Variants in CWC27 observed in about 807,000 individuals in gnomAD.
CWC27 encodes spliceosome-associated protein CWC27 homolog.
CWC27 carries 47 observed loss-of-function variants against 63.6 expected under a neutral mutation model. The observed-to-expected ratio is 0.74, with a 90% CI of 0.58 to 0.94. CWC27 has a LOEUF of 0.94. CWC27 is among the 40% of genes least tolerant of loss of function. The pLI is 0.00. For synonymous variants in CWC27, 175 were observed against 179.8 expected, an observed-to-expected ratio of 0.97 and a Z score of 0.22; for missense variants, 495 against 554.3, an observed-to-expected ratio of 0.89 and a Z score of 1.07.
At chr5:64,798,904 TTA>T (rs1379508660) in intron 7 of CWC27, among the ~76,000 whole-genome samples, 1 of 152,202 alleles carries the variant, frequency 6.6e-6, no homozygotes, top group African/African-American at 2.4e-5. Context: ...TTTTATATGA[TTA>T]GTTGGGAGTT....
At chr5:64,794,643 G>A (rs554231975) in intron 7 of CWC27, among the ~76,000 whole-genome samples, 89 of 152,218 alleles carry the variant, frequency 5.8e-4, no homozygotes, top group African/African-American at 1.9e-3. Flanking sequence ...GGAATGCAAT[G>A]AGGAACTGGA....
At chr5:64,962,449 G>T (rs1043368132) in intron 11 of CWC27, among the ~76,000 whole-genome samples, 1 of 152,178 alleles carries the variant, frequency 6.6e-6, no homozygotes, top group East Asian at 1.9e-4. Context: ...AGAAGATAGG[G>T]TTTTAATCTC....
intron 1 of CWC27, among the ~76,000 whole-genome samples, chr5:64,770,699 A>T (rs1161694963): frequency 6.6e-6 from 1 of 152,230 alleles, no homozygotes; most frequent in Non-Finnish European, 1.5e-5. Flanking sequence ...TTGATACATG[A>T]TAGAAGGAGT....
intron 13 of CWC27, among the ~76,000 whole-genome samples, chr5:64,996,461 A>G (rs1749634228): frequency 1.3e-5 from 2 of 152,280 alleles, no homozygotes; most frequent in South Asian, 4.1e-4. Context: ...TTTAGTAGAA[A>G]TAAAAGTTAA....
intron 2 of CWC27, among the ~76,000 whole-genome samples, chr5:64,777,935 A>T (rs1246112603): frequency 1.3e-5 from 2 of 152,182 alleles, no homozygotes; most frequent in Non-Finnish European, 2.9e-5. Flanking sequence ...TAGAGAGTAT[A>T]GAAAATTTTT....
intron 10 of CWC27, among the ~76,000 whole-genome samples, chr5:64,812,024 G>A (rs545601895): frequency 3.3e-5 from 5 of 152,012 alleles, no homozygotes; most frequent in Admixed American, 6.6e-5. Flanking sequence ...AAATTAATAA[G>A]CTTCTTCTCG....
intron 13 of CWC27, among the ~76,000 whole-genome samples, chr5:65,014,639 C>A (rs1265590602): frequency 6.6e-6 from 1 of 151,978 alleles, no homozygotes; most frequent in Non-Finnish European, 1.5e-5. Context: ...AACTATCAGA[C>A]CCCCTGTACT....
At chr5:64,922,583 G>A (rs1748018928) in intron 11 of CWC27, among the ~76,000 whole-genome samples, 1 of 152,166 alleles carries the variant, frequency 6.6e-6, no homozygotes, top group African/African-American at 2.4e-5. Flanking sequence ...GTCTCAATGA[G>A]CTTCCTTGCC....
intron 6 of CWC27, among the ~76,000 whole-genome samples, chr5:64,787,987 T>G (rs968037394): frequency 6.6e-6 from 1 of 152,182 alleles, no homozygotes; most frequent in Non-Finnish European, 1.5e-5. Flanking sequence ...TTAGTCTTTT[T>G]CCTTGATATC....
At chr5:64,792,544 T>C (rs944490741) in intron 7 of CWC27, among the ~76,000 whole-genome samples, 1 of 152,206 alleles carries the variant, frequency 6.6e-6, no homozygotes, top group Non-Finnish European at 1.5e-5. Context: ...ATCTTTTTTT[T>C]CTTACCCAAC....
chr5:64,953,620 C>A (rs534318573), intron 11 of CWC27, among the ~76,000 whole-genome samples: 1 of 152,064 alleles, frequency 6.6e-6, no homozygotes, highest in South Asian at 2.1e-4. Flanking sequence ...CTTAATCAGA[C>A]AAACCCAAAT....
At chr5:64,956,112 A>C (rs1748798543) in intron 11 of CWC27, among the ~76,000 whole-genome samples, 1 of 152,204 alleles carries the variant, frequency 6.6e-6, no homozygotes, top group Admixed American at 6.5e-5. Flanking sequence ...TCCAAACAAC[A>C]TAACAATCTA....
intron 10 of CWC27, among the ~76,000 whole-genome samples, chr5:64,877,422 G>T (rs1488299535): frequency 1.3e-5 from 2 of 151,806 alleles, no homozygotes; most frequent in Admixed American, 6.6e-5. Context: ...TTTGTGTGTT[G>T]GGGGGGATGA....
chr5:64,976,213 G>A (rs1472225128), intron 12 of CWC27, among the ~76,000 whole-genome samples: 2 of 152,022 alleles, frequency 1.3e-5, no homozygotes, highest in Non-Finnish European at 2.9e-5. Flanking sequence ...TGCACATCTT[G>A]TGCGTAAGCC....
At chr5:64,818,394 G>T (rs897910692) in intron 10 of CWC27, among the ~76,000 whole-genome samples, 1 of 152,018 alleles carries the variant, frequency 6.6e-6, no homozygotes, top group African/African-American at 2.4e-5. Flanking sequence ...TTAGATAAGC[G>T]TTTACTTTAG....
chr5:64,794,819 T>C (rs1744207145), intron 7 of CWC27, among the ~76,000 whole-genome samples: 1 of 152,170 alleles, frequency 6.6e-6, no homozygotes, highest in Non-Finnish European at 1.5e-5. Context: ...AATCTTTACA[T>C]GTAACTGAAA....
At chr5:64,800,073 C>T (rs191222218) in intron 7 of CWC27, among the ~76,000 whole-genome samples, 175 bp from the exon 8 acceptor site, 1 of 152,100 alleles carries the variant, frequency 6.6e-6, no homozygotes, top group East Asian at 1.9e-4. Flanking sequence ...TATTTTCAGT[C>T]AATAGAAGAG....
intron 11 of CWC27, among the ~76,000 whole-genome samples, chr5:64,907,864 G>GT (rs1179619729): frequency 1.3e-5 from 2 of 152,030 alleles, no homozygotes; most frequent in African/African-American, 4.8e-5. Context: ...TTTTTGAAGG[G>GT]TTTTTTGTGT....
At chr5:64,827,199 A>C (rs1393285582) in intron 10 of CWC27, among the ~76,000 whole-genome samples, 1 of 152,134 alleles carries the variant, frequency 6.6e-6, no homozygotes, top group Non-Finnish European at 1.5e-5. Flanking sequence ...AACTTCTCTA[A>C]TGAGTAGGAA....
Sources: allele counts gnomAD v4.1 joint callset (sites outside exome capture counted in the v4.1 genomes callset), GRCh38; gene constraint gnomAD v4.1.1; transcripts MANE v1.5; gene names NCBI Gene and HGNC (gene_info 2026-07-23, HGNC 2026-07-21).